Variants in FSTL4 observed in about 807,000 individuals in gnomAD.
The protein encoded by FSTL4 is follistatin-related protein 4.
In FSTL4, 28 loss-of-function variants were observed where a neutral mutation model predicts 78.2. The ratio of observed to expected loss-of-function variants is 0.36; its 90% CI spans 0.27 to 0.49. The LOEUF (loss-of-function observed/expected upper bound fraction) is 0.49. Among genes scored for constraint, FSTL4 ranks in the 20% least tolerant of loss-of-function variants. The pLI is 0.98. For synonymous variants in FSTL4, 422 were observed against 440.5 expected (o/e 0.96, Z 0.53); for missense variants, 922 against 1,084.9 (o/e 0.85, Z 2.11).
intron 5 of FSTL4, among the ~76,000 whole-genome samples, chr5:133,316,037 A>G (rs1753894890): frequency 6.6e-6 from 1 of 152,198 alleles, no homozygotes; most frequent in East Asian, 1.9e-4. Context: ...TCTGCAAACA[A>G]GCAGTCCGAG....
At chr5:133,524,359 C>A (rs1320616888) in intron 3 of FSTL4, among the ~76,000 whole-genome samples, 1 of 152,102 alleles carries the variant, frequency 6.6e-6, no homozygotes, top group African/African-American at 2.4e-5. Flanking sequence ...CAAGGTCTGA[C>A]ATGATAAAGG....
chr5:133,215,520 T>G (rs1750878451), intron 13 of FSTL4, among the ~76,000 whole-genome samples: 1 of 151,614 alleles, frequency 6.6e-6, no homozygotes, highest in Non-Finnish European at 1.5e-5. Context: ...CCGAAGTCTC[T>G]TCTCTTCTAA....
At chr5:133,647,572 T>C in the FSTL4 span, among the ~76,000 whole-genome samples, 1 of 152,114 alleles carries the variant, frequency 6.6e-6, no homozygotes, top group African/African-American at 2.4e-5. Context: ...CCCAAATCCA[T>C]AGGTTATTTC....
chr5:133,618,272 C>T, the FSTL4 span, among the ~76,000 whole-genome samples: 47 of 152,030 alleles, frequency 3.1e-4, no homozygotes, highest in African/African-American at 1.0e-3. Context: ...TTTCAGATTG[C>T]GATTGACTGC....
intron 3 of FSTL4, among the ~76,000 whole-genome samples, chr5:133,491,020 G>A (rs1758255221): frequency 6.6e-6 from 1 of 152,102 alleles, no homozygotes. Flanking sequence ...GTTTACCTGG[G>A]TGACAAAATT....
the FSTL4 span, among the ~76,000 whole-genome samples, chr5:133,725,355 G>A: frequency 2.0e-5 from 3 of 152,188 alleles, no homozygotes; most frequent in Non-Finnish European, 4.4e-5. Flanking sequence ...GGTTAGTTCC[G>A]TGCAGTGATG....
intron 3 of FSTL4, among the ~76,000 whole-genome samples, chr5:133,482,975 T>G (rs1758060367): frequency 6.6e-6 from 1 of 152,184 alleles, no homozygotes; most frequent in Non-Finnish European, 1.5e-5. Flanking sequence ...GGTTTGGCTG[T>G]GTCCCCACCC....
intron 3 of FSTL4, among the ~76,000 whole-genome samples, chr5:133,522,153 G>C (rs1758994310): frequency 6.6e-6 from 1 of 152,132 alleles, no homozygotes. Context: ...TTGAGTCTAT[G>C]CACATGAACC....
intron 3 of FSTL4, among the ~76,000 whole-genome samples, chr5:133,498,710 T>C (rs1758422835): frequency 6.9e-6 from 1 of 144,444 alleles, no homozygotes; most frequent in African/African-American, 2.9e-5. Context: ...AGAGTGAGAC[T>C]CAGTCTCCAA....
At chr5:133,565,023 T>C (rs1580792586) in intron 3 of FSTL4, among the ~76,000 whole-genome samples, 1 of 152,194 alleles carries the variant, frequency 6.6e-6, no homozygotes, top group Admixed American at 6.5e-5. Context: ...AGGTACAGTA[T>C]TGAAATAAGG....
chr5:133,663,557 A>T, the FSTL4 span, among the ~76,000 whole-genome samples: 1 of 152,212 alleles, frequency 6.6e-6, no homozygotes, highest in Non-Finnish European at 1.5e-5. Context: ...CCTCATCTAC[A>T]TTACTGACAG....
At chr5:133,462,023 C>T (rs1022614773) in intron 3 of FSTL4, among the ~76,000 whole-genome samples, 37 of 152,206 alleles carry the variant, frequency 2.4e-4, no homozygotes, top group Admixed American at 6.5e-4. Context: ...AAACAATGGT[C>T]TCAGGCAGCA....
intron 6 of FSTL4, among the ~76,000 whole-genome samples, chr5:133,258,937 G>T (rs760632420): frequency 6.6e-6 from 1 of 152,106 alleles, no homozygotes; most frequent in African/African-American, 2.4e-5. Flanking sequence ...TCCAACTTTG[G>T]CTCCAATCCC....
chr5:133,774,982 C>CAAA, the FSTL4 span, among the ~76,000 whole-genome samples: 1 of 106,660 alleles, frequency 9.4e-6, no homozygotes, highest in African/African-American at 2.8e-5. Context: ...TCTAAAATGA[C>CAAA]AAAAAAAAAA....
At chr5:133,706,548 C>G in the FSTL4 span, among the ~76,000 whole-genome samples, 1 of 152,202 alleles carries the variant, frequency 6.6e-6, no homozygotes, top group African/African-American at 2.4e-5. Flanking sequence ...TTTCAGTCAT[C>G]ATGGTGAATG....
At chr5:133,491,141 ATT>A (rs1758259075) in intron 3 of FSTL4, among the ~76,000 whole-genome samples, 1 of 152,188 alleles carries the variant, frequency 6.6e-6, no homozygotes, top group Non-Finnish European at 1.5e-5. Flanking sequence ...TTTTTAATAA[ATT>A]TTTGTTTGCT....
At chr5:133,537,453 C>T (rs190264954) in intron 3 of FSTL4, among the ~76,000 whole-genome samples, 1 of 152,266 alleles carries the variant, frequency 6.6e-6, no homozygotes, top group African/African-American at 2.4e-5. Flanking sequence ...TTGTATTTAA[C>T]AACCTTATTA....
At chr5:133,262,108 A>G (rs1486031528) in intron 6 of FSTL4, among the ~76,000 whole-genome samples, 2 of 152,196 alleles carry the variant, frequency 1.3e-5, no homozygotes, top group Non-Finnish European at 2.9e-5. Context: ...CCTATGCTTG[A>G]ATAAACTGCG....
At chr5:133,569,856 AT>A (rs890571231) in intron 2 of FSTL4, among the ~76,000 whole-genome samples, 1 of 152,064 alleles carries the variant, frequency 6.6e-6, no homozygotes, top group African/African-American at 2.4e-5. Context: ...TTGGTCTATA[AT>A]TTTTTGTACT....
Sources: gnomAD v4.1 joint callset for allele counts (sites outside exome capture counted in the v4.1 genomes callset) on GRCh38, gnomAD v4.1.1 for gene constraint, MANE v1.5 for transcripts, NCBI Gene and HGNC (gene_info 2026-07-23, HGNC 2026-07-21) for gene names.